ANK1: variants seen among roughly 807,000 people sequenced by gnomAD.
ANK1 encodes ankyrin-1.
ANK1 carries 51 observed loss-of-function variants against 210.4 expected under a neutral mutation model. That is an observed-to-expected ratio of 0.24 (90% CI 0.19 to 0.31). The LOEUF is 0.31. ANK1 is among the 10% of genes least tolerant of loss of function. The pLI is 1.00. For synonymous variants in ANK1, 967 were observed against 1,025.9 expected (o/e 0.94, Z 1.10); for missense variants, 2,051 against 2,504.4 (o/e 0.82, Z 3.86).
intron 1 of ANK1, among the ~76,000 whole-genome samples, chr8:41,883,423 G>A (rs1211050307): frequency 1.3e-5 from 2 of 151,450 alleles, no homozygotes; most frequent in East Asian, 1.9e-4. Context: ...AGCATAACAG[G>A]TACCGAGAAG....
chr8:41,877,049 T>A (rs778580265), intron 1 of ANK1, among the ~76,000 whole-genome samples: 8 of 152,172 alleles, frequency 5.3e-5, no homozygotes, highest in Non-Finnish European at 1.2e-4. Context: ...ATCCCAGTGC[T>A]TTGGGAGGCC....
chr8:41,896,522 G>A, exon 1 of ANK1: 1 of 1,557,034 alleles, frequency 6.4e-7, no homozygotes, highest in South Asian at 1.2e-5. Flanking sequence ...TGGACCCCTA[G>A]CGCTCAGCGA....
intron 1 of ANK1, among the ~76,000 whole-genome samples, chr8:41,792,171 A>G (rs1847875988): frequency 6.6e-6 from 1 of 152,200 alleles, no homozygotes; most frequent in African/African-American, 2.4e-5. Flanking sequence ...GGGGAGGGTG[A>G]CAGTCAAGGG....
chr8:41,670,638 T>C (rs1340570603), intron 38 of ANK1, among the ~76,000 whole-genome samples: 1 of 152,222 alleles, frequency 6.6e-6, no homozygotes, highest in Non-Finnish European at 1.5e-5. Flanking sequence ...TCCTTTCCCT[T>C]CCTGTTAGGG....
rs751226879 is a variant in ANK1, at chr8:41,719,742, G to A, written c.1026C>T (p.Leu342=). The A allele has an allele frequency of 3.7e-6, 6 of 1,614,120 alleles. No homozygotes were observed. Among genetic ancestry groups the A allele is most frequent in the Non-Finnish European group, 4.2e-6 (5 of 1,180,048 alleles). ...DDITLDHLTP[L]HVAAHCGHHR... ...GGTGTCCACAGTGGGCAGCCACGTGGAGTGGGGTCAGGTGGTCCAGGGTGA... is the reference window on the plus strand; with the variant it reads ...GGTGTCCACAGTGGGCAGCCACGTGAAGTGGGGTCAGGTGGTCCAGGGTGA... Residue 342 remains leucine (L), a synonymous_variant, in exon 10 of 43, where the codon CTC becomes CTT. Transcript: ENST00000289734.
chr8:41,796,520 G>A (rs557173011), intron 1 of ANK1, among the ~76,000 whole-genome samples: 1 of 148,984 alleles, frequency 6.7e-6, no homozygotes, highest in East Asian at 2.0e-4. Context: ...GGAGGCCCAA[G>A]CTTCCTCTAC....
At chr8:41,720,184 C>A (rs904041706) in intron 9 of ANK1, among the ~76,000 whole-genome samples, 1 of 152,206 alleles carries the variant, frequency 6.6e-6, no homozygotes, top group African/African-American at 2.4e-5. Flanking sequence ...CCAATTATAT[C>A]CATAGCTAAC....
At chr8:41,714,722 A>G (rs1827136224) in intron 15 of ANK1, among the ~76,000 whole-genome samples, 1 of 152,104 alleles carries the variant, frequency 6.6e-6, no homozygotes, top group Non-Finnish European at 1.5e-5. Flanking sequence ...TTAGCCGGGC[A>G]CGGTGGCAAC....
chr8:41,797,818 T>C (rs1463237954), upstream of ANK1, among the ~76,000 whole-genome samples: 1 of 151,764 alleles, frequency 6.6e-6, no homozygotes, highest in Non-Finnish European at 1.5e-5. The surrounding 1 kb of genome is among the most constrained non-coding windows in gnomAD (Gnocchi z 4.0). Flanking sequence ...GGACCCCTGG[T>C]TGCCCCGGGG....
chr8:41,809,149 C>T lies in ANK1; in HGVS notation c.127-51012G>A, dbSNP rs527452630. ...ACTGGGGAGTCGTTCTTAATCTCCA[C>T]TTTGATCTCATGCCTTACGGGTCTT... On this transcript the variant is annotated intron_variant, in intron 1 of 42. Coordinates refer to the ANK1 transcript ENST00000265709. Among the ~76,000 whole-genome samples, 6 of 152,320 alleles carry T rather than the reference C, an allele frequency of 3.9e-5. No individual in the cohort carries two copies. The East Asian group carries it at 9.7e-4, about 25-fold the overall frequency.
Position 41,661,411 on chromosome 8 carries a change from A to G in ANK1, c.*36+19T>C. The G allele has an allele frequency of 6.2e-7, 1 of 1,613,404 alleles. No homozygotes were observed. The highest frequency in any genetic ancestry group is 8.5e-7 in the Non-Finnish European group (1 of 1,179,934). The stretch of plus-strand genomic sequence containing the variant: ...CTGAAGACCAGGCCATGCAGAGGGG[A>G]TGAGAAGGGCAGCGTTACCTCCCGA... On this transcript the variant is annotated intron_variant, in intron 42 of 42. Transcript: ENST00000289734.
intron 2 of ANK1, among the ~76,000 whole-genome samples, chr8:41,757,173 G>A (rs1391030720): frequency 6.6e-6 from 1 of 152,206 alleles, no homozygotes; most frequent in Non-Finnish European, 1.5e-5. Flanking sequence ...CCGAAAAATG[G>A]TTAAGACAGG....
At chr8:41,852,370 C>T (rs978883493) in intron 1 of ANK1, among the ~76,000 whole-genome samples, 3 of 152,200 alleles carry the variant, frequency 2.0e-5, no homozygotes, top group Non-Finnish European at 4.4e-5. Flanking sequence ...ACTAGGAGGC[C>T]CCTGTGACAT....
intron 1 of ANK1, among the ~76,000 whole-genome samples, chr8:41,809,114 ACT>A (rs1802078850): frequency 6.6e-6 from 1 of 151,234 alleles, no homozygotes; most frequent in Non-Finnish European, 1.5e-5. Context: ...TCCCCAGGTG[ACT>A]CTCCTTAACT....
intron 38 of ANK1, among the ~76,000 whole-genome samples, chr8:41,671,189 G>T (rs1332618194): frequency 6.6e-6 from 1 of 152,170 alleles, no homozygotes; most frequent in African/African-American, 2.4e-5. Flanking sequence ...CTCAGTGCGG[G>T]AAGCGTGGGG....
Position 41,780,749 on chromosome 8 carries a change from C to T in ANK1, c.27+16763G>A, listed in dbSNP as rs529294344. Among the ~76,000 whole-genome samples the T allele has an allele frequency of 5.3e-5, 8 of 152,264 alleles. No homozygotes were observed. The South Asian group carries it at 1.2e-3, about 24-fold the overall frequency. ...ATGCGTGCATGTGTATGCATGTGCA[C>T]GAGTGTGTGCATGTATGAGTTTGTA... is the stretch of plus-strand genomic sequence containing the variant. On this transcript the variant is annotated intron_variant, in intron 1 of 42. Coordinates refer to ENST00000289734, the MANE Select transcript of ANK1 (RefSeq NM_000037.4).
chr8:41,731,800 C>T (rs1439671679), intron 3 of ANK1, among the ~76,000 whole-genome samples: 1 of 152,214 alleles, frequency 6.6e-6, no homozygotes, highest in African/African-American at 2.4e-5. Context: ...CGGAAACAGT[C>T]GAAGCGCTGA....
chr8:41,841,805 T>A (rs1265434343), intron 1 of ANK1, among the ~76,000 whole-genome samples: 1 of 152,108 alleles, frequency 6.6e-6, no homozygotes, highest in Non-Finnish European at 1.5e-5. Flanking sequence ...CTCTATTTCC[T>A]CCTCAAAGGG....
chr8:41,773,300 T>G (rs1843321811), intron 1 of ANK1, among the ~76,000 whole-genome samples: 2 of 152,160 alleles, frequency 1.3e-5, no homozygotes, highest in South Asian at 4.1e-4. Context: ...CATCATGTTC[T>G]TTTTAAGAGG....
Sources: allele counts gnomAD v4.1 joint callset (sites outside exome capture counted in the v4.1 genomes callset), GRCh38; gene constraint gnomAD v4.1.1; non-coding constraint Gnocchi (gnomAD v3.1); transcripts MANE v1.5; gene names NCBI Gene and HGNC (gene_info 2026-07-23, HGNC 2026-07-21).